The following REDIC1 variants were observed in gnomAD, a reference collection of about 807,000 sequenced individuals.
The protein encoded by REDIC1 is regulator of DNA class I crossover intermediates 1.
At chr12:39,736,205 C>T in the REDIC1 span, among the ~76,000 whole-genome samples, 1 of 152,222 alleles carries the variant, frequency 6.6e-6, no homozygotes, top group Admixed American at 6.5e-5. Context: ...ATAGTGTGTG[C>T]ATGGCTGGAT....
At chr12:39,631,109 C>T in the REDIC1 span, among the ~76,000 whole-genome samples, 1 of 152,172 alleles carries the variant, frequency 6.6e-6, no homozygotes, top group South Asian at 2.1e-4. Context: ...AGGCTGGTCT[C>T]AAACTCCTGA....
chr12:39,671,710 G>GGT, the REDIC1 span, among the ~76,000 whole-genome samples: 1 of 151,412 alleles, frequency 6.6e-6, no homozygotes, highest in Admixed American at 6.6e-5. Context: ...GCCCCTGGGT[G>GGT]GTGTGTGTGT....
the REDIC1 span, among the ~76,000 whole-genome samples, chr12:39,697,748 C>T: frequency 6.6e-6 from 1 of 152,062 alleles, no homozygotes; most frequent in South Asian, 2.1e-4. Flanking sequence ...AAACCCAAAT[C>T]ATACAACAGA....
the REDIC1 span, among the ~76,000 whole-genome samples, chr12:39,774,037 T>C: frequency 6.6e-6 from 1 of 152,180 alleles, no homozygotes; most frequent in Non-Finnish European, 1.5e-5. Context: ...CCTCAAAACA[T>C]AGATATCCCT....
chr12:39,684,957 A>G, the REDIC1 span: 3 of 1,531,626 alleles, frequency 2.0e-6, no homozygotes, highest in Non-Finnish European at 2.7e-6. Flanking sequence ...TATCTTCTCA[A>G]TTAAGTCAGT....
chr12:39,685,072 A>G, the REDIC1 span: 1 of 530,150 alleles, frequency 1.9e-6, no homozygotes, highest in Non-Finnish European at 3.2e-6. Context: ...ATACTTTTTT[A>G]TTCTGAGGAA....
the REDIC1 span, among the ~76,000 whole-genome samples, chr12:39,899,484 G>A: frequency 2.0e-5 from 3 of 152,132 alleles, no homozygotes; most frequent in South Asian, 4.1e-4. Flanking sequence ...ATTTCCTTCA[G>A]TTCTGCTCTG....
At chr12:39,764,754 A>G in the REDIC1 span, 1 of 1,612,770 alleles carries the variant, frequency 6.2e-7, no homozygotes, top group Non-Finnish European at 8.5e-7. Flanking sequence ...AAAGAAGACA[A>G]GATATAAAAT....
chr12:39,819,633 G>T, the REDIC1 span: 1 of 152,040 alleles, frequency 6.6e-6, no homozygotes, highest in African/African-American at 2.4e-5. Context: ...ATTTGTAAAA[G>T]GAACATTCAT....
chr12:39,784,271 A>G, the REDIC1 span, among the ~76,000 whole-genome samples: 1 of 152,204 alleles, frequency 6.6e-6, no homozygotes, highest in Non-Finnish European at 1.5e-5. Flanking sequence ...TGCCAAGTCA[A>G]TCCTAAGCCA....
the REDIC1 span, among the ~76,000 whole-genome samples, chr12:39,781,448 G>C: frequency 6.6e-6 from 1 of 152,170 alleles, no homozygotes; most frequent in East Asian, 1.9e-4. Context: ...TCACCACTAT[G>C]CCCCAGGGGC....
At chr12:39,866,759 G>C in the REDIC1 span, among the ~76,000 whole-genome samples, 1 of 152,172 alleles carries the variant, frequency 6.6e-6, no homozygotes, top group Non-Finnish European at 1.5e-5. Context: ...GATTACAGGC[G>C]TGAGCCACAG....
chr12:39,668,841 C>T, the REDIC1 span, among the ~76,000 whole-genome samples: 3 of 151,986 alleles, frequency 2.0e-5, no homozygotes, highest in Non-Finnish European at 4.4e-5. Flanking sequence ...TCCAGTTGAT[C>T]GAATCGGCTA....
At chr12:39,810,198 A>T in the REDIC1 span, among the ~76,000 whole-genome samples, 38 of 152,254 alleles carry the variant, frequency 2.5e-4, no homozygotes, top group Middle Eastern at 3.4e-3. Flanking sequence ...ACTTAGTTAG[A>T]TCTTCTTTAA....
chr12:39,864,742 A>G, the REDIC1 span: 1 of 1,611,566 alleles, frequency 6.2e-7, no homozygotes, highest in Non-Finnish European at 8.5e-7. Flanking sequence ...TAAAGGAAGA[A>G]GAACATAATG....
At chr12:39,842,699 G>C in the REDIC1 span, among the ~76,000 whole-genome samples, 1 of 151,940 alleles carries the variant, frequency 6.6e-6, no homozygotes, top group Non-Finnish European at 1.5e-5. Flanking sequence ...CAATAATTCA[G>C]AGTTCTACAA....
chr12:39,626,401 C>G, the REDIC1 span: 1 of 1,612,954 alleles, frequency 6.2e-7, no homozygotes. Flanking sequence ...ACATTCATTC[C>G]TACGACTCCT....
At chr12:39,637,388 T>G in the REDIC1 span, among the ~76,000 whole-genome samples, 1 of 152,044 alleles carries the variant, frequency 6.6e-6, no homozygotes, top group Admixed American at 6.6e-5. Flanking sequence ...AATTACTGTT[T>G]AAAAAAGATG....
the REDIC1 span, among the ~76,000 whole-genome samples, chr12:39,899,201 T>C: frequency 1.3e-5 from 2 of 152,206 alleles, no homozygotes; most frequent in South Asian, 4.1e-4. Context: ...CTTCCTGGTT[T>C]AGTCTTGGGA....
Sources: allele counts gnomAD v4.1 joint callset (sites outside exome capture counted in the v4.1 genomes callset), GRCh38; gene constraint gnomAD v4.1.1; transcripts MANE v1.5; gene names NCBI Gene and HGNC (gene_info 2026-07-23, HGNC 2026-07-21).